MAGI2: variants seen among roughly 807,000 people sequenced by gnomAD.
MAGI2 encodes membrane-associated guanylate kinase, WW and PDZ domain-containing protein 2.
MAGI2 carries 35 observed loss-of-function variants against 133.3 expected under a neutral mutation model. The ratio of observed to expected loss-of-function variants is 0.26; its 90% confidence interval spans 0.20 to 0.35. MAGI2 has a LOEUF of 0.35. Among genes scored for constraint, MAGI2 ranks in the 10% least tolerant of loss-of-function variants. The pLI, the probability that MAGI2 is intolerant of heterozygous loss-of-function variation, is 1.00. For synonymous variants in MAGI2, 729 were observed against 710.6 expected (o/e 1.03, Z -0.41); for missense variants, 1,636 against 1,863.4 (o/e 0.88, Z 2.25).
chr7:79,212,259 T>C (rs1829563914), intron 1 of MAGI2, among the ~76,000 whole-genome samples: 2 of 152,206 alleles, frequency 1.3e-5, no homozygotes, highest in Middle Eastern at 6.8e-3. Context: ...CATTTCCTCA[T>C]TGATCCTTGG....
intron 1 of MAGI2, among the ~76,000 whole-genome samples, chr7:79,136,109 GAAAGAAA>G (rs1562929473): frequency 5.3e-4 from 79 of 150,376 alleles, no homozygotes; most frequent in Admixed American, 1.5e-3. Context: ...AAGAAAGAAA[GAAAGAAA>G]GAAAGAAAGA....
chr7:78,097,790 T>C (rs563629447), intron 20 of MAGI2, among the ~76,000 whole-genome samples: 8 of 152,064 alleles, frequency 5.3e-5, no homozygotes, highest in African/African-American at 1.7e-4. Context: ...GTAACAAACC[T>C]TCACATGTAT....
chr7:78,476,979 T>G (rs1791825399), intron 6 of MAGI2, among the ~76,000 whole-genome samples: 1 of 151,976 alleles, frequency 6.6e-6, no homozygotes, highest in Admixed American at 6.6e-5. Context: ...TTACATGTAC[T>G]GAGAGGGAAA....
At chr7:79,061,991 T>G (rs1166416918) in intron 1 of MAGI2, among the ~76,000 whole-genome samples, 1 of 152,146 alleles carries the variant, frequency 6.6e-6, no homozygotes, top group African/African-American at 2.4e-5. Context: ...AAAAAACACA[T>G]GAAATCCACA....
At chr7:78,101,647 G>T (rs1818220778) in intron 20 of MAGI2, among the ~76,000 whole-genome samples, 1 of 152,094 alleles carries the variant, frequency 6.6e-6, no homozygotes. Flanking sequence ...TTTTGGCAAT[G>T]ATATTTTGGA....
At chr7:78,406,727 A>G (rs1481614691) in intron 6 of MAGI2, among the ~76,000 whole-genome samples, 1 of 152,078 alleles carries the variant, frequency 6.6e-6, no homozygotes, top group Admixed American at 6.6e-5. Context: ...CAGGAGAGCC[A>G]TTTTACCACA....
intron 6 of MAGI2, among the ~76,000 whole-genome samples, chr7:78,483,233 T>G (rs1015604386): frequency 2.0e-5 from 3 of 151,990 alleles, no homozygotes; most frequent in Non-Finnish European, 4.4e-5. Context: ...TGAAAAATTT[T>G]GAAATCATTC....
intron 1 of MAGI2, among the ~76,000 whole-genome samples, chr7:79,364,222 C>T (rs2129125996): frequency 6.6e-6 from 1 of 152,002 alleles, no homozygotes; most frequent in South Asian, 2.1e-4. Context: ...ACCATATGAT[C>T]CAGTAAACGC....
intron 2 of MAGI2, among the ~76,000 whole-genome samples, chr7:78,837,683 A>C (rs1165929609): frequency 6.6e-6 from 1 of 152,186 alleles, no homozygotes; most frequent in Non-Finnish European, 1.5e-5. Flanking sequence ...TAATATTTTA[A>C]ATGTAAAACG....
intron 7 of MAGI2, among the ~76,000 whole-genome samples, chr7:78,362,408 T>C (rs549749851): frequency 6.6e-6 from 1 of 152,182 alleles, no homozygotes; most frequent in Non-Finnish European, 1.5e-5. Context: ...GTTGAAGTTT[T>C]CATGAGTGAG....
intron 2 of MAGI2, among the ~76,000 whole-genome samples, chr7:78,794,280 T>C (rs995129165): frequency 1.3e-5 from 2 of 152,192 alleles, no homozygotes; most frequent in Non-Finnish European, 2.9e-5. Context: ...AGTTGCATTC[T>C]AAGAATCCCA....
rs140913761 is a variant in MAGI2, at chr7:78,498,517, G to A, written c.965+3060C>T. Among the ~76,000 whole-genome samples the A allele has an allele frequency of 1.6e-3, 242 of 152,302 alleles. 1 individual carries two copies. Among genetic ancestry groups the A allele is most frequent in the African/African-American group, 5.5e-3 (228 of 41,568 alleles). ...AAAGGAAGGAATATTCCAGGGCAAA[G>A]AGTGAAAACAGACAGGAGAAAATCA... On this transcript the variant is annotated intron_variant, in intron 5 of 21. Coordinates refer to ENST00000354212, the MANE Select transcript of MAGI2 (RefSeq NM_012301.4).
intron 1 of MAGI2, among the ~76,000 whole-genome samples, chr7:79,272,514 T>A (rs1834947952): frequency 6.6e-6 from 1 of 152,104 alleles, no homozygotes; most frequent in African/African-American, 2.4e-5. Context: ...CTTTAATCTT[T>A]AATTAGTTCA....
chr7:78,078,819 T>C (rs2151186245), intron 21 of MAGI2, 128 bp downstream of exon 21: 2 of 931,928 alleles, frequency 2.1e-6, no homozygotes, highest in South Asian at 2.8e-5. Flanking sequence ...TGTGTATATA[T>C]ATACCTATTG....
intron 3 of MAGI2, among the ~76,000 whole-genome samples, chr7:78,580,776 G>A (rs1802753090): frequency 6.6e-6 from 1 of 152,074 alleles, no homozygotes; most frequent in Non-Finnish European, 1.5e-5. Flanking sequence ...TCCAACATTT[G>A]ATGAGGACAA....
chr7:79,203,307 C>G (rs2129552080), intron 1 of MAGI2, among the ~76,000 whole-genome samples: 1 of 152,072 alleles, frequency 6.6e-6, no homozygotes, highest in Non-Finnish European at 1.5e-5. Context: ...CAAAGTAGGT[C>G]ATTTTACTCT....
chr7:78,413,815 C>T (rs1314424620), intron 6 of MAGI2, among the ~76,000 whole-genome samples: 1 of 151,932 alleles, frequency 6.6e-6, no homozygotes, highest in African/African-American at 2.4e-5. Context: ...TTGGATGTTG[C>T]AATTCCAGAA....
Position 78,343,878 on chromosome 7 carries a change from A to G in MAGI2, c.1308T>C (p.Phe436=), listed in dbSNP as rs536337469. The G allele has an allele frequency of 6.2e-7, 1 of 1,613,480 alleles. No individual in the cohort carries two copies. Among genetic ancestry groups the G allele is most frequent in the Admixed American group, 1.7e-5 (1 of 59,876 alleles). Residue 436 remains phenylalanine, a synonymous_variant, in exon 9 of 22, where the codon TTT becomes TTC. Transcript: ENST00000354212. The stretch of plus-strand genomic sequence containing the variant: ...CGTCTCCACCAATGATGGTAAATCC[A>G]AAGCCCATGTTGCTCTTTTTTAGGG... The part of the protein sequence containing the change: ...STTLKKSNMG[F]GFTIIGGDEP...
At chr7:78,539,911 G>C (rs2150664458) in intron 3 of MAGI2, among the ~76,000 whole-genome samples, 1 of 152,300 alleles carries the variant, frequency 6.6e-6, no homozygotes, top group South Asian at 2.1e-4. Flanking sequence ...TCAGGGCCTC[G>C]GGTTCGCCAG....
Sources: allele counts gnomAD v4.1 joint callset (sites outside exome capture counted in the v4.1 genomes callset), GRCh38; gene constraint gnomAD v4.1.1; transcripts MANE v1.5; gene names NCBI Gene and HGNC (gene_info 2026-07-23, HGNC 2026-07-21).